GALNT11: variants seen among roughly 807,000 people sequenced by gnomAD.
The protein encoded by GALNT11 is polypeptide N-acetylgalactosaminyltransferase 11, also known as UDP-GalNAc:polypeptide N-acetylgalactosaminyltransferase 11.
A neutral mutation model predicts 72.7 loss-of-function variants in GALNT11; 47 were observed. The observed-to-expected ratio is 0.65, with a 90% CI of 0.51 to 0.82. GALNT11 has a LOEUF of 0.82. Among genes scored for constraint, GALNT11 ranks in the 40% least tolerant of loss-of-function variants. The probability of loss-of-function intolerance (pLI) is 0.00; values close to 1 mark genes in which losing one functional copy is unlikely to be tolerated. For missense variants in GALNT11, 677 were observed against 778.4 expected, an observed-to-expected ratio of 0.87 and a Z score of 1.55; for synonymous variants, 270 against 286.6, an observed-to-expected ratio of 0.94 and a Z score of 0.58.
chr7:152,072,201 C>T (rs1358941612), intron 1 of GALNT11, among the ~76,000 whole-genome samples: 1 of 148,390 alleles, frequency 6.7e-6, no homozygotes, highest in Non-Finnish European at 1.5e-5. Flanking sequence ...CGTCTGTTGT[C>T]CCAGCTACTC....
chr7:152,121,535 C>CT lies in GALNT11; in HGVS notation c.1696-4dup, dbSNP rs763363363. 23 of 1,600,558 alleles carry CT rather than the reference C, an allele frequency of 1.4e-5. No homozygotes were observed. Among genetic ancestry groups the CT allele is most frequent in the Non-Finnish European group, 1.9e-5 (22 of 1,174,262 alleles). ...ATTGGCAGTATTTTTTTGTTGCTACCTTTTTTTCAGAAAAACAATCGGCTA... is the reference window on the plus strand; with the variant it reads ...ATTGGCAGTATTTTTTTGTTGCTACCTTTTTTTTCAGAAAAACAATCGGCTA... On this transcript the variant is annotated splice_polypyrimidine_tract_variant and intron_variant, in intron 11 of 11. Transcript: ENST00000430044.
At chr7:152,029,223 G>C (rs1158213006) in intron 1 of GALNT11, among the ~76,000 whole-genome samples, 1 of 152,200 alleles carries the variant, frequency 6.6e-6, no homozygotes, top group Admixed American at 6.5e-5. Context: ...TGCTGCCAAA[G>C]AGTCTATTTG....
chr7:152,080,175 A>C (rs958302603), intron 1 of GALNT11, among the ~76,000 whole-genome samples: 1 of 152,176 alleles, frequency 6.6e-6, no homozygotes, highest in Admixed American at 6.5e-5. Context: ...TTTTATTCTC[A>C]TATTTTTGAC....
intron 1 of GALNT11, among the ~76,000 whole-genome samples, chr7:152,084,759 T>C (rs2085538097): frequency 6.6e-6 from 1 of 152,182 alleles, no homozygotes; most frequent in Non-Finnish European, 1.5e-5. Context: ...TACAAACAAG[T>C]ATGTATTAAT....
At chr7:152,106,877 T>C (rs2087618142) in intron 5 of GALNT11, among the ~76,000 whole-genome samples, 1 of 152,190 alleles carries the variant, frequency 6.6e-6, no homozygotes, top group African/African-American at 2.4e-5. Flanking sequence ...TAAGAAAAGC[T>C]CTGAATCCAT....
chr7:152,121,333 AC>A (rs1480951089), intron 11 of GALNT11, among the ~76,000 whole-genome samples: 3 of 152,228 alleles, frequency 2.0e-5, no homozygotes, highest in Admixed American at 2.0e-4. Context: ...CTCTATAAAA[AC>A]AAATCAGTAT....
At chr7:152,106,058 C>G (rs1420881014) in intron 5 of GALNT11, among the ~76,000 whole-genome samples, 1 of 151,926 alleles carries the variant, frequency 6.6e-6, no homozygotes, top group Non-Finnish European at 1.5e-5. Flanking sequence ...TTTATGGTTA[C>G]CTATGTGTAA....
intron 1 of GALNT11, among the ~76,000 whole-genome samples, chr7:152,087,683 G>A (rs2085736828): frequency 6.6e-6 from 1 of 152,298 alleles, no homozygotes; most frequent in Admixed American, 6.5e-5. Flanking sequence ...GCTAAGTGAA[G>A]GGAAAACATT....
At chr7:152,031,042 A>G (rs2082283848) in intron 1 of GALNT11, among the ~76,000 whole-genome samples, 2 of 152,242 alleles carry the variant, frequency 1.3e-5, no homozygotes, top group African/African-American at 2.4e-5. Flanking sequence ...ATTGCAGCAC[A>G]GGCATGTAGG....
Position 152,118,672 on chromosome 7 carries a change from T to C in GALNT11, c.1453-6T>C. 7 of 1,607,696 alleles carry C rather than the reference T, an allele frequency of 4.4e-6. No individual in the cohort carries two copies. The highest frequency in any genetic ancestry group is 5.9e-6 in the Non-Finnish European group (7 of 1,177,248). On this transcript the variant is annotated splice_region_variant and splice_polypyrimidine_tract_variant and intron_variant, in intron 9 of 11. Coordinates refer to ENST00000430044, the MANE Select transcript of GALNT11 (RefSeq NM_022087.4). ...CCCACATTCTGAGCTGTGCCTTCTCTTACAGCTCTATCACCTCCAGACCAA... is the reference window on the plus strand; with the variant it reads ...CCCACATTCTGAGCTGTGCCTTCTCCTACAGCTCTATCACCTCCAGACCAA...
chr7:152,114,626 T>C (rs1338325443), intron 8 of GALNT11, among the ~76,000 whole-genome samples: 1 of 151,810 alleles, frequency 6.6e-6, no homozygotes, highest in African/African-American at 2.4e-5. Flanking sequence ...AACGGCGCAA[T>C]CTCGGCTCAC....
At chr7:152,117,135 T>C in intron 8 of GALNT11, 22 bp from the exon 9 acceptor site, 1 of 1,568,394 alleles carries the variant, frequency 6.4e-7, no homozygotes. Flanking sequence ...GATTTTCTTA[T>C]TTTTACTTTT....
intron 1 of GALNT11, among the ~76,000 whole-genome samples, chr7:152,034,430 A>G (rs1014425480): frequency 1.3e-5 from 2 of 152,260 alleles, no homozygotes; most frequent in South Asian, 2.1e-4. Flanking sequence ...ATTTTTCCCC[A>G]TCAGAGAGAG....
chr7:152,113,543 C>A (rs1039553428), intron 8 of GALNT11, 145 bp downstream of exon 8: 3 of 802,478 alleles, frequency 3.7e-6, no homozygotes, highest in Non-Finnish European at 5.7e-6. Flanking sequence ...AGTTTCCCCC[C>A]ACCCCCTTCA....
At chr7:152,030,125 G>A (rs1486898705) in intron 1 of GALNT11, among the ~76,000 whole-genome samples, 4 of 152,212 alleles carry the variant, frequency 2.6e-5, no homozygotes, top group African/African-American at 9.6e-5. Context: ...AAAGACACAA[G>A]ACAGAGATAA....
intron 1 of GALNT11, among the ~76,000 whole-genome samples, chr7:152,057,643 G>A (rs532424533): frequency 6.6e-6 from 1 of 152,224 alleles, no homozygotes; most frequent in South Asian, 2.1e-4. Flanking sequence ...AATAATCTAT[G>A]TCCTGACCCC....
intron 1 of GALNT11, among the ~76,000 whole-genome samples, chr7:152,040,738 G>A (rs762393412): frequency 4.6e-5 from 7 of 152,188 alleles, no homozygotes; most frequent in African/African-American, 7.2e-5. Flanking sequence ...CACATTAATA[G>A]GCATATTAAA....
rs1476735720 is a variant in GALNT11 at position 152,034,727 on chromosome 7, G to A, written c.-39+8843G>A. On this transcript the variant is annotated intron_variant, in intron 1 of 11. Coordinates refer to ENST00000430044, the MANE Select transcript of GALNT11 (RefSeq NM_022087.4). ...AAGAACCCACAACGGTCGGTCCCTG[G>A]ACCCTGCGGATGGGAATAGTTGCAC... Among the ~76,000 whole-genome samples the A allele has an allele frequency of 3.3e-5, 5 of 152,234 alleles. No individual in the cohort carries two copies. The East Asian group carries it at 9.7e-4, about 29-fold the overall frequency.
chr7:152,117,634 A>G (rs2089008188), intron 9 of GALNT11: 1 of 507,764 alleles, frequency 2.0e-6, no homozygotes, highest in Admixed American at 3.5e-5. Flanking sequence ...GCAGAGGCAT[A>G]TGGGAATACA....
Sources: gnomAD v4.1 joint callset for allele counts (sites outside exome capture counted in the v4.1 genomes callset) on GRCh38, gnomAD v4.1.1 for gene constraint, MANE v1.5 for transcripts, NCBI Gene and HGNC (gene_info 2026-07-23, HGNC 2026-07-21) for gene names.